The following AZIN2 variants were observed in gnomAD, a reference collection of about 807,000 sequenced individuals.
AZIN2 encodes antizyme inhibitor 2, also known as ODC antizyme inhibitor-2.
A neutral mutation model predicts 47.8 loss-of-function variants in AZIN2; 28 were observed. The ratio of observed to expected loss-of-function variants is 0.59; its 90% confidence interval spans 0.43 to 0.80. AZIN2 has a LOEUF of 0.80. Among genes scored for constraint, AZIN2 ranks in the 30% least tolerant of loss-of-function variants. AZIN2 has a pLI of 0.00. For missense variants in AZIN2, 535 were observed against 582.5 expected, an observed-to-expected ratio of 0.92 and a Z score of 0.84; for synonymous variants, 221 against 239.4, an observed-to-expected ratio of 0.92 and a Z score of 0.71.
rs1251451062 is a variant in AZIN2 at position 33,084,028 on chromosome 1, G to A, written c.180G>A (p.Leu60=). ...AGCACTTTTGCTTTCTGAAGTGCCT[G>A]CCACGAGTCCGGCCCTTTTATGCTG... ...VRKHFCFLKC[L]PRVRPFYAVK... is the part of the protein sequence containing the mutation. The change falls in exon 5 of 12, where the codon CTG becomes CTA. Residue 60 remains leucine, a synonymous_variant. Transcript: ENST00000294517. 1 of 1,614,202 alleles carries A rather than the reference G, an allele frequency of 6.2e-7. No homozygotes were observed.
intron 5 of AZIN2, 74 bp downstream of exon 5, chr1:33,084,201 G>A: frequency 1.3e-6 from 2 of 1,571,480 alleles, no homozygotes; most frequent in East Asian, 4.5e-5. Flanking sequence ...AGTCCAGGTG[G>A]GCTCTGGGGA....
intron 5 of AZIN2, among the ~76,000 whole-genome samples, chr1:33,088,857 G>GT (rs1642223352): frequency 6.6e-6 from 1 of 152,154 alleles, no homozygotes; most frequent in African/African-American, 2.4e-5. Flanking sequence ...CTTGCAGCAC[G>GT]TACTTTTTCT....
In AZIN2 at chr1:33,114,022, T is replaced by G. The variant is rs116492018; in HGVS notation, c.1030-3880T>G. Among the ~76,000 whole-genome samples the G allele has an allele frequency of 1.3e-3, 201 of 152,344 alleles. 2 individuals are homozygous for G. Among genetic ancestry groups the G allele is most frequent in the African/African-American group, 4.6e-3 (190 of 41,596 alleles). The stretch of plus-strand genomic sequence containing the variant: ...TAGCTAAGATTTCATGTCAGGTTTT[T>G]GCCTATATATTCACAAGTGAGATTT... On this transcript the variant is annotated intron_variant, in intron 10 of 11. Coordinates refer to ENST00000294517, the MANE Select transcript of AZIN2 (RefSeq NM_052998.4).
At chr1:33,116,749 G>T (rs183876409) in intron 10 of AZIN2, among the ~76,000 whole-genome samples, 1 of 152,188 alleles carries the variant, frequency 6.6e-6, no homozygotes, top group Non-Finnish European at 1.5e-5. Context: ...TTTAGGAAAG[G>T]CTTCCCTGAA....
At chr1:33,107,334 C>T (rs1644060049) in intron 10 of AZIN2, among the ~76,000 whole-genome samples, 1 of 151,914 alleles carries the variant, frequency 6.6e-6, no homozygotes, top group Admixed American at 6.6e-5. Context: ...AACCCCAGCA[C>T]TTTGGGAGGC....
chr1:33,147,403 G>A, the AZIN2 span: 12 of 1,614,060 alleles, frequency 7.4e-6, no homozygotes, highest in African/African-American at 5.3e-5. This position sits in a 1 kb window ranked among gnomAD's most constrained non-coding sequence, Gnocchi z 8.1. Flanking sequence ...CCAGGGCTCC[G>A]TGCAGGCGCT....
At chr1:33,136,813 A>G in the AZIN2 span, among the ~76,000 whole-genome samples, 1 of 151,384 alleles carries the variant, frequency 6.6e-6, no homozygotes, top group Admixed American at 6.6e-5. Flanking sequence ...CCTGGCCAAT[A>G]TGGTGAAACC....
At chr1:33,096,517 C>T (rs1405842085) in intron 8 of AZIN2, among the ~76,000 whole-genome samples, 190 bp from the exon 9 acceptor site, 2 of 152,184 alleles carry the variant, frequency 1.3e-5, no homozygotes, top group Non-Finnish European at 2.9e-5. Context: ...AGGCTCTCTA[C>T]CCAGCTCTGT....
At chr1:33,146,916 G>T in the AZIN2 span, 1 of 512,672 alleles carries the variant, frequency 2.0e-6, no homozygotes. Context: ...GGCAGGGGTT[G>T]CCCTGAGGAG....
At chr1:33,082,935 G>A (rs531127821) in intron 4 of AZIN2, 1 of 145,486 alleles carries the variant, frequency 6.9e-6, no homozygotes, top group East Asian at 1.9e-4. Flanking sequence ...GCCCAATGAT[G>A]CTATTACCAT....
At chr1:33,146,988 C>T in the AZIN2 span, 24 of 627,606 alleles carry the variant, frequency 3.8e-5, no homozygotes, top group Non-Finnish European at 5.8e-5. Context: ...TACAGAACAT[C>T]GATGCTGGAA....
At chr1:33,115,455 AG>A (rs1323734846) in intron 10 of AZIN2, among the ~76,000 whole-genome samples, 1 of 152,020 alleles carries the variant, frequency 6.6e-6, no homozygotes, top group Non-Finnish European at 1.5e-5. Context: ...CTGCAATCTC[AG>A]TACTTTGGAA....
At chr1:33,154,259 A>G in the AZIN2 span, among the ~76,000 whole-genome samples, 150,729 of 152,240 alleles carry the variant, frequency 0.99, 74,635 homozygotes, top group Middle Eastern at 1. Flanking sequence ...AAGTGCATCC[A>G]AGGCTCCGAT....
At chr1:33,093,813 C>T (rs958293660) in intron 7 of AZIN2, among the ~76,000 whole-genome samples, 1 of 151,146 alleles carries the variant, frequency 6.6e-6, no homozygotes, top group Non-Finnish European at 1.5e-5. Flanking sequence ...TTTCTGCAGC[C>T]TTGAGCTCCC....
Position 33,083,940 on chromosome 1 carries a change from T to G in AZIN2, c.106-14T>G. The G allele has an allele frequency of 6.2e-7, 1 of 1,613,902 alleles. No individual in the cohort carries two copies. Among genetic ancestry groups the G allele is most frequent in the South Asian group, 1.1e-5 (1 of 91,074 alleles). ...TGGATGGGGTCTCACATTCATCCAC[T>G]TCTTGTCATTCAGGACGAGGTAGCT... is the stretch of plus-strand genomic sequence containing the variant. On this transcript the variant is annotated splice_polypyrimidine_tract_variant and intron_variant, in intron 4 of 11. Transcript: ENST00000294517.
intron 5 of AZIN2, among the ~76,000 whole-genome samples, chr1:33,086,797 C>T (rs56778774): frequency 0.03 from 4,632 of 152,318 alleles, 167 homozygotes; most frequent in African/African-American, 0.084. Flanking sequence ...CTGGGCAGCA[C>T]ATCCTCTTCC....
At chr1:33,158,428 G>T in the AZIN2 span, 5 of 1,459,618 alleles carry the variant, frequency 3.4e-6, no homozygotes, top group Non-Finnish European at 3.8e-6. Context: ...CCAATGCCAG[G>T]GGCCCCGCAG....
intron 10 of AZIN2, among the ~76,000 whole-genome samples, chr1:33,099,041 A>C (rs917009620): frequency 2.0e-5 from 3 of 152,160 alleles, no homozygotes; most frequent in Admixed American, 2.0e-4. Context: ...CTGGGATTAC[A>C]GGCACGAGCC....
intron 10 of AZIN2, among the ~76,000 whole-genome samples, chr1:33,102,429 C>A (rs745963350): frequency 2.6e-5 from 4 of 152,166 alleles, no homozygotes; most frequent in Non-Finnish European, 5.9e-5. Flanking sequence ...CAGTCAGGTA[C>A]CTGTTCCATG....
Sources: allele counts gnomAD v4.1 joint callset (sites outside exome capture counted in the v4.1 genomes callset), GRCh38; gene constraint gnomAD v4.1.1; non-coding constraint Gnocchi (gnomAD v3.1); transcripts MANE v1.5; gene names NCBI Gene and HGNC (gene_info 2026-07-23, HGNC 2026-07-21).